Variants in PLXDC2 observed in about 807,000 individuals in gnomAD.
The protein encoded by PLXDC2 is plexin domain-containing protein 2.
In PLXDC2, 40 loss-of-function variants were observed where a neutral mutation model predicts 68.9. The observed-to-expected ratio is 0.58, with a 90% CI of 0.45 to 0.76. PLXDC2 has a LOEUF of 0.76. Among genes scored for constraint, PLXDC2 ranks in the 30% least tolerant of loss-of-function variants. PLXDC2 has a pLI of 0.00. For synonymous variants in PLXDC2, 243 were observed against 234.2 expected, an observed-to-expected ratio of 1.04 and a Z score of -0.34; for missense variants, 644 against 661.9, an observed-to-expected ratio of 0.97 and a Z score of 0.30.
chr10:20,152,028 G>A (rs1834159167), intron 6 of PLXDC2, among the ~76,000 whole-genome samples: 1 of 151,936 alleles, frequency 6.6e-6, no homozygotes, highest in Admixed American at 6.5e-5. Context: ...ATTTAGTTAA[G>A]TAAATTTCAT....
At chr10:19,989,090 G>C (rs561731412) in intron 1 of PLXDC2, among the ~76,000 whole-genome samples, 2 of 152,006 alleles carry the variant, frequency 1.3e-5, no homozygotes, top group Non-Finnish European at 2.9e-5. Flanking sequence ...ATGAGCCACC[G>C]CACCTGGCCT....
At chr10:20,252,554 T>A (rs1400523990) in intron 13 of PLXDC2, among the ~76,000 whole-genome samples, 1 of 152,242 alleles carries the variant, frequency 6.6e-6, no homozygotes, top group Non-Finnish European at 1.5e-5. Context: ...TGGTTCCATA[T>A]TTTTTAAAAG....
rs562767555 is a variant in PLXDC2 at position 20,049,023 on chromosome 10, A to G, written c.471+2008A>G. 1.8e-3 allele frequency among the ~76,000 whole-genome samples: 279 copies of G among 152,096 alleles called. 1 individual carries two copies. Among genetic ancestry groups the G allele is most frequent in the Non-Finnish European group, 3.5e-3 (239 of 67,976 alleles). On this transcript the variant is annotated intron_variant, in intron 3 of 13. Coordinates refer to ENST00000377252, the MANE Select transcript of PLXDC2 (RefSeq NM_032812.9). The stretch of plus-strand genomic sequence containing the variant: ...TTATGTTGATTGTTAAATATATACA[A>G]TTGTTAGAGGTTTTTATTTTAGATA...
intron 1 of PLXDC2, among the ~76,000 whole-genome samples, chr10:20,000,268 G>GTTT (rs557279192): frequency 5.6e-4 from 84 of 148,874 alleles, no homozygotes; most frequent in East Asian, 7.9e-4. Flanking sequence ...ATGTACATGA[G>GTTT]TTTTTTTTTT....
At chr10:20,156,791 A>G (rs1463787093) in intron 6 of PLXDC2, among the ~76,000 whole-genome samples, 1 of 152,172 alleles carries the variant, frequency 6.6e-6, no homozygotes, top group Non-Finnish European at 1.5e-5. Context: ...AAAAAGATGG[A>G]AATAATTGTG....
chr10:20,100,156 G>A (rs1833403713), intron 4 of PLXDC2, among the ~76,000 whole-genome samples: 1 of 152,140 alleles, frequency 6.6e-6, no homozygotes, highest in Non-Finnish European at 1.5e-5. Context: ...AGCAAATGCT[G>A]ATTATATCCA....
intron 3 of PLXDC2, among the ~76,000 whole-genome samples, chr10:20,050,207 C>A (rs1835868437): frequency 6.6e-6 from 1 of 151,970 alleles, no homozygotes; most frequent in Non-Finnish European, 1.5e-5. Context: ...TACAAAAAAT[C>A]AATTCGAGAT....
At chr10:20,105,711 A>G (rs1833482636) in intron 4 of PLXDC2, among the ~76,000 whole-genome samples, 1 of 152,160 alleles carries the variant, frequency 6.6e-6, no homozygotes, top group Non-Finnish European at 1.5e-5. Flanking sequence ...AGGAAGCTGA[A>G]ATGGGTATCA....
intron 1 of PLXDC2, among the ~76,000 whole-genome samples, chr10:19,895,930 T>G (rs1338830285): frequency 1.3e-5 from 2 of 151,966 alleles, no homozygotes; most frequent in African/African-American, 4.8e-5. Context: ...TAAAAAAATT[T>G]TAAAAAGGAA....
At chr10:20,273,614 C>T (rs1232764359) in intron 13 of PLXDC2, among the ~76,000 whole-genome samples, 1 of 152,110 alleles carries the variant, frequency 6.6e-6, no homozygotes, top group African/African-American at 2.4e-5. Context: ...ACATGTACAA[C>T]CACAATATGT....
At chr10:20,000,275 TTTTTG>T (rs1564652578) in intron 1 of PLXDC2, among the ~76,000 whole-genome samples, 2 of 151,790 alleles carry the variant, frequency 1.3e-5, no homozygotes, top group African/African-American at 4.8e-5. Flanking sequence ...TGAGTTTTTT[TTTTTG>T]TTTTGTTTTG....
At chr10:19,831,209 T>C (rs1836685199) in intron 1 of PLXDC2, among the ~76,000 whole-genome samples, 1 of 152,198 alleles carries the variant, frequency 6.6e-6, no homozygotes, top group African/African-American at 2.4e-5. Context: ...ATATATTCTT[T>C]CTTCTCTGTT....
At chr10:19,883,997 A>T (rs1382065334) in intron 1 of PLXDC2, among the ~76,000 whole-genome samples, 1 of 144,420 alleles carries the variant, frequency 6.9e-6, no homozygotes, top group African/African-American at 2.6e-5. Context: ...TCCTGGGCTC[A>T]GGTGATCCTC....
At chr10:20,107,750 A>G (rs1013116045) in intron 4 of PLXDC2, among the ~76,000 whole-genome samples, 2 of 152,152 alleles carry the variant, frequency 1.3e-5, no homozygotes, top group African/African-American at 4.8e-5. Flanking sequence ...TATTCAGTTT[A>G]TAGTATTTTA....
At chr10:20,029,860 T>C (rs1284660346) in intron 2 of PLXDC2, among the ~76,000 whole-genome samples, 2 of 152,214 alleles carry the variant, frequency 1.3e-5, no homozygotes, top group African/African-American at 4.8e-5. Flanking sequence ...AGCTCTCTTC[T>C]TTTGTTCTGC....
chr10:19,968,048 G>A (rs924448150), intron 1 of PLXDC2, among the ~76,000 whole-genome samples: 2 of 152,180 alleles, frequency 1.3e-5, no homozygotes, highest in Non-Finnish European at 2.9e-5. Flanking sequence ...TATTTGAAAG[G>A]CTGTCAGATT....
At chr10:19,844,726 G>T (rs567285156) in intron 1 of PLXDC2, among the ~76,000 whole-genome samples, 12 of 152,036 alleles carry the variant, frequency 7.9e-5, no homozygotes, top group African/African-American at 2.7e-4. Context: ...CTCCTGAGTA[G>T]CTGGGACTAC....
At chr10:19,879,309 A>T (rs1459114344) in intron 1 of PLXDC2, among the ~76,000 whole-genome samples, 1 of 152,190 alleles carries the variant, frequency 6.6e-6, no homozygotes. Context: ...CTATGAGAGT[A>T]TCAGAGTGCT....
chr10:20,224,154 A>G (rs1195481842), intron 12 of PLXDC2, among the ~76,000 whole-genome samples: 2 of 151,776 alleles, frequency 1.3e-5, no homozygotes, highest in African/African-American at 4.8e-5. Flanking sequence ...TTGTATTTTT[A>G]GTAGAAATGG....
Sources: allele counts gnomAD v4.1 joint callset (sites outside exome capture counted in the v4.1 genomes callset), GRCh38; gene constraint gnomAD v4.1.1; transcripts MANE v1.5; gene names NCBI Gene and HGNC (gene_info 2026-07-23, HGNC 2026-07-21).